Variants in INTS4 observed in about 807,000 individuals in gnomAD.
INTS4 encodes MSTP093.
INTS4 carries 70 observed loss-of-function variants against 119.5 expected under a neutral mutation model. The observed-to-expected ratio is 0.59, with a 90% CI of 0.48 to 0.71. The LOEUF is 0.71. Ranked by LOEUF, INTS4 falls within the 30% of genes least tolerant of loss-of-function variation. The pLI is 0.00. For synonymous variants in INTS4, 316 were observed against 419.6 expected (o/e 0.75, Z 3.02); for missense variants, 867 against 1,173.2 (o/e 0.74, Z 3.81).
At chr11:77,946,036 G>A (rs1355664501) in intron 8 of INTS4, among the ~76,000 whole-genome samples, 1 of 152,210 alleles carries the variant, frequency 6.6e-6, no homozygotes, top group Non-Finnish European at 1.5e-5. Context: ...AGCCCAGCAC[G>A]ACAGCCACCA....
chr11:77,940,323 C>G (rs1953899682), intron 9 of INTS4, among the ~76,000 whole-genome samples: 1 of 152,116 alleles, frequency 6.6e-6, no homozygotes, highest in East Asian at 1.9e-4. Flanking sequence ...CCCAGCTACT[C>G]AGGAGGGTGA....
At chr11:77,968,690 A>C (rs951190827) in intron 4 of INTS4, among the ~76,000 whole-genome samples, 4 of 152,228 alleles carry the variant, frequency 2.6e-5, no homozygotes, top group Non-Finnish European at 5.9e-5. Flanking sequence ...TTAAAAACTT[A>C]AACACTTAAT....
In INTS4 at chr11:77,917,319, CT is replaced by C. The variant is rs59309476; in HGVS notation, c.1922+1501del. On this transcript the variant is annotated intron_variant, in intron 15 of 22. Coordinates refer to ENST00000534064, the MANE Select transcript of INTS4 (RefSeq NM_033547.4). The stretch of plus-strand genomic sequence containing the variant: ...TATAATATAATATTTTTCCTTCTTT[CT>C]TTTTTTTTTTTGAGATGGAGTCTCA... Among the ~76,000 whole-genome samples, 992 of 144,846 alleles carry C rather than the reference CT, an allele frequency of 6.8e-3. 4 individuals are homozygous for C. Among genetic ancestry groups the C allele is most frequent in the African/African-American group, 0.02 (788 of 39,794 alleles).
chr11:77,956,845 T>A (rs930906979), intron 7 of INTS4, among the ~76,000 whole-genome samples: 8 of 151,992 alleles, frequency 5.3e-5, no homozygotes, highest in African/African-American at 1.9e-4. Context: ...AAAATGATAA[T>A]TGAATAGTTC....
At chr11:77,991,087 A>G in intron 2 of INTS4, 21 bp downstream of exon 2, 3 of 1,601,694 alleles carry the variant, frequency 1.9e-6, no homozygotes, top group Non-Finnish European at 1.7e-6. Flanking sequence ...TACTCCCATC[A>G]GATCCTCAAG....
chr11:77,910,480 A>C (rs889155340), intron 15 of INTS4, among the ~76,000 whole-genome samples: 9 of 151,010 alleles, frequency 6.0e-5, no homozygotes, highest in African/African-American at 2.2e-4. Flanking sequence ...ATTAGGAGAT[A>C]TACCTAATGC....
intron 7 of INTS4, among the ~76,000 whole-genome samples, chr11:77,956,351 C>T (rs1954320114): frequency 6.6e-6 from 1 of 152,166 alleles, no homozygotes; most frequent in Admixed American, 6.5e-5. Flanking sequence ...GTGAAGGTTG[C>T]AGTGAGCTGA....
chr11:77,986,297 C>T, intron 2 of INTS4, among the ~76,000 whole-genome samples: 1 of 152,250 alleles, frequency 6.6e-6, no homozygotes, highest in Admixed American at 6.5e-5. Flanking sequence ...GAGATACCAT[C>T]TCACATCAGT....
chr11:77,889,119 T>C (rs1004880213), intron 21 of INTS4, among the ~76,000 whole-genome samples: 2 of 152,162 alleles, frequency 1.3e-5, no homozygotes. Context: ...TAAAGACACA[T>C]GCACACATAT....
intron 8 of INTS4, among the ~76,000 whole-genome samples, chr11:77,951,234 G>T (rs55878159): frequency 0.19 from 29,221 of 151,942 alleles, 2,852 homozygotes; most frequent in Middle Eastern, 0.23. Flanking sequence ...TTTGGGTATA[G>T]ACCCAGTAAT....
chr11:77,901,265 T>G (rs1952769103), intron 18 of INTS4, 156 bp downstream of exon 18: 2 of 817,580 alleles, frequency 2.4e-6, no homozygotes, highest in East Asian at 4.9e-5. Flanking sequence ...CAACAGAATT[T>G]GTAATATCTG....
intron 21 of INTS4, among the ~76,000 whole-genome samples, chr11:77,889,836 G>A (rs1952186253): frequency 6.6e-6 from 1 of 152,162 alleles, no homozygotes; most frequent in Admixed American, 6.5e-5. Context: ...CCTTGCGTGT[G>A]GTAGAGGTGC....
chr11:77,924,978 C>G (rs1209096595), intron 11 of INTS4, 86 bp from the exon 12 acceptor site: 1 of 1,038,658 alleles, frequency 9.6e-7, no homozygotes, highest in African/African-American at 1.6e-5. Context: ...ACCCAGCCAC[C>G]TTCCCATCTA....
intron 2 of INTS4, among the ~76,000 whole-genome samples, chr11:77,984,858 G>A (rs766704660): frequency 1.4e-5 from 2 of 138,478 alleles, no homozygotes; most frequent in Non-Finnish European, 3.0e-5. Flanking sequence ...CCTGGAGTGA[G>A]ACCTTGTTAG....
At chr11:77,906,864 C>A (rs974710573) in intron 16 of INTS4, among the ~76,000 whole-genome samples, 6 of 152,178 alleles carry the variant, frequency 3.9e-5, no homozygotes, top group Non-Finnish European at 8.8e-5. Context: ...GAGAAGGGCT[C>A]TCCTAAATTC....
At chr11:77,908,330 CTT>C (rs762416286) in intron 15 of INTS4, among the ~76,000 whole-genome samples, 21 of 139,524 alleles carry the variant, frequency 1.5e-4, no homozygotes, top group Admixed American at 1.4e-4. Context: ...CTGCATCCAT[CTT>C]TTTTTTTTTT....
Position 77,912,753 on chromosome 11 carries a change from C to G in INTS4, c.1923-4943G>C, listed in dbSNP as rs1440279951. On this transcript the variant is annotated intron_variant, in intron 15 of 22. Transcript: ENST00000534064. ...TAAAACGCGATCTTTATTCCTGCACCTAGATGATGACAGATTACAAACGTG... is the reference window on the plus strand; with the variant it reads ...TAAAACGCGATCTTTATTCCTGCACGTAGATGATGACAGATTACAAACGTG... Among the ~76,000 whole-genome samples, 4 of 152,076 alleles carry G rather than the reference C, an allele frequency of 2.6e-5. No homozygotes were observed. In the East Asian group the frequency reaches 7.7e-4, roughly 29 times the overall value.
chr11:77,881,563 A>G (rs991701979), intron 22 of INTS4, among the ~76,000 whole-genome samples: 2 of 152,234 alleles, frequency 1.3e-5, no homozygotes, highest in Non-Finnish European at 2.9e-5. Flanking sequence ...TATCTGTAAA[A>G]TGAAAAGAGA....
intron 14 of INTS4, among the ~76,000 whole-genome samples, chr11:77,920,238 T>TAC (rs1181603509): frequency 0.01 from 168 of 16,652 alleles, 2 homozygotes; most frequent in African/African-American, 0.017. Context: ...CATACATATA[T>TAC]ACATATATAT....
Sources: gnomAD v4.1 joint callset for allele counts (sites outside exome capture counted in the v4.1 genomes callset) on GRCh38, gnomAD v4.1.1 for gene constraint, MANE v1.5 for transcripts, NCBI Gene and HGNC (gene_info 2026-07-23, HGNC 2026-07-21) for gene names.